Variants in TTC7B observed in about 807,000 individuals in gnomAD.
TTC7B encodes tetratricopeptide repeat protein 7B.
TTC7B carries 28 observed loss-of-function variants against 106.8 expected under a neutral mutation model. The observed-to-expected ratio is 0.26, with a 90% CI of 0.19 to 0.36. TTC7B has a LOEUF of 0.36. Among genes scored for constraint, TTC7B ranks in the 10% least tolerant of loss-of-function variants. The pLI is 1.00. For missense variants in TTC7B, 862 were observed against 1,076.4 expected (o/e 0.80, Z 2.79); for synonymous variants, 405 against 430.6 (o/e 0.94, Z 0.74).
intron 9 of TTC7B, among the ~76,000 whole-genome samples, chr14:90,669,833 T>A (rs1255824915): frequency 6.6e-6 from 1 of 152,202 alleles, no homozygotes; most frequent in East Asian, 1.9e-4. Flanking sequence ...CTGGTAGGAA[T>A]GTAAAAATGG....
chr14:90,628,669 C>A (rs545902336), intron 15 of TTC7B, among the ~76,000 whole-genome samples: 6 of 152,204 alleles, frequency 3.9e-5, no homozygotes, highest in Admixed American at 2.6e-4. Flanking sequence ...GAAGCTCAAG[C>A]GGCTCTCCAG....
At position 90,541,493 on chromosome 14, in the gene TTC7B, C is replaced by T. The variant is rs746871600; in HGVS notation, c.2407G>A (p.Gly803Arg). 4.3e-6 allele frequency: 7 copies of T among 1,614,086 alleles called. No homozygotes were observed. The East Asian group carries it at 6.7e-5, about 15-fold the overall frequency. ...VNSTAHEVWN[G>R]LGEVLQAQGN... is the part of the protein sequence containing the mutation. ...TGAGCTTGGAGGACCTCGCCCAGCC[C>T]GTTCCAGACCTCGTGGGCTGTCGAG... Residue 803 changes from glycine to arginine, a missense_variant, in exon 20 of 20, where the codon GGG becomes AGG. Gly to Arg is a moderately radical substitution (Grantham distance 125). Transcript: ENST00000328459.
At position 90,539,099 on chromosome 14, in the gene TTC7B, T is replaced by C. The variant is rs1294569; in HGVS notation, c.*2269A>G. 102,791 of 152,142 alleles carry C rather than the reference T, an allele frequency of 0.68. 35,471 individuals carry two copies. The highest frequency in any genetic ancestry group is 0.76 in the South Asian group (3,660 of 4,820). The allele number at this position is 152,142 out of a possible 1,614,324, so 9.4% of individuals were successfully genotyped here. On this transcript the variant is annotated 3_prime_UTR_variant, in exon 20 of 20. Coordinates refer to ENST00000328459, the MANE Select transcript of TTC7B (RefSeq NM_001010854.2). ...TGCCCAAACCCAAACCAGTCACTGATACTGGGGAGCTGGAGGGCTCTGGTT... is the reference window on the plus strand; with the variant it reads ...TGCCCAAACCCAAACCAGTCACTGACACTGGGGAGCTGGAGGGCTCTGGTT...
chr14:90,812,452 T>C (rs1379872419), intron 1 of TTC7B, among the ~76,000 whole-genome samples: 1 of 152,132 alleles, frequency 6.6e-6, no homozygotes, highest in Non-Finnish European at 1.5e-5. Context: ...CACCTCAGGC[T>C]TCTCTGAGTC....
chr14:90,666,924 A>T (rs1886433719), intron 9 of TTC7B, among the ~76,000 whole-genome samples: 1 of 152,200 alleles, frequency 6.6e-6, no homozygotes, highest in Non-Finnish European at 1.5e-5. Context: ...AAGCTTGCAC[A>T]TTGAGTAAGG....
chr14:90,632,451 T>TA (rs1046577951), intron 15 of TTC7B, among the ~76,000 whole-genome samples: 1 of 151,922 alleles, frequency 6.6e-6, no homozygotes, highest in South Asian at 2.1e-4. Context: ...AGTAATGATT[T>TA]AAAAAAAAAT....
intron 5 of TTC7B, among the ~76,000 whole-genome samples, chr14:90,700,987 C>G (rs1047381775): frequency 5.9e-5 from 9 of 151,882 alleles, no homozygotes; most frequent in African/African-American, 2.2e-4. Flanking sequence ...CCAGCTTCCC[C>G]CTCTGTACAT....
intron 4 of TTC7B, among the ~76,000 whole-genome samples, chr14:90,732,729 TC>T (rs1889373483): frequency 6.6e-6 from 1 of 152,050 alleles, no homozygotes; most frequent in Admixed American, 6.5e-5. Context: ...TGCGCCCGGC[TC>T]CTGAATAATT....
chr14:90,621,760 C>T (rs1884209504), intron 15 of TTC7B, among the ~76,000 whole-genome samples: 1 of 152,234 alleles, frequency 6.6e-6, no homozygotes, highest in African/African-American at 2.4e-5. Flanking sequence ...CAAACCTCAG[C>T]TTGTTTACAA....
At position 90,689,648 on chromosome 14, in the gene TTC7B, G is replaced by A. The variant is rs1403796830; in HGVS notation, c.842C>T (p.Pro281Leu). The change falls in exon 7 of 20, where the codon CCT becomes CTT. Residue 281 changes from proline to leucine, a missense_variant. Coordinates refer to ENST00000328459, the MANE Select transcript of TTC7B (RefSeq NM_001010854.2). Reference protein sequence around the residue: ...RGMCEQSYWNPLEDPPCQSPL... With the variant: ...RGMCEQSYWNLLEDPPCQSPL... ...TGACTGGCACGGTGGATCCTCCAGAGGGTTCCAGTAGCTCTGCTCACACAT... is the reference window on the plus strand; with the variant it reads ...TGACTGGCACGGTGGATCCTCCAGAAGGTTCCAGTAGCTCTGCTCACACAT... The A allele has an allele frequency of 1.2e-6, 2 of 1,614,150 alleles. No individual in the cohort carries two copies. Among genetic ancestry groups the A allele is most frequent in the Admixed American group, 3.3e-5 (2 of 60,016 alleles).
chr14:90,642,114 G>A (rs1041490549), intron 15 of TTC7B, among the ~76,000 whole-genome samples: 1 of 152,028 alleles, frequency 6.6e-6, no homozygotes, highest in African/African-American at 2.4e-5. Flanking sequence ...AACAGCTTGG[G>A]GTAAAATCCA....
rs137868490 is a variant in TTC7B, at chr14:90,614,486, A to C, written c.1868+3443T>G. On this transcript the variant is annotated intron_variant, in intron 16 of 19. Transcript: ENST00000328459. Reference sequence around the variant, plus strand: ...CCTGGAGATGTCACCTCATGGGTACATGATGGAGATGGGTCTAGTAGCAGT... The same window carrying C: ...CCTGGAGATGTCACCTCATGGGTACCTGATGGAGATGGGTCTAGTAGCAGT... 9.0e-4 allele frequency among the ~76,000 whole-genome samples: 137 copies of C among 152,368 alleles called. 1 individual carries two copies. The highest frequency in any genetic ancestry group is 3.2e-3 in the African/African-American group (133 of 41,592).
At chr14:90,793,658 G>A (rs1213426156) in intron 1 of TTC7B, among the ~76,000 whole-genome samples, 1 of 150,242 alleles carries the variant, frequency 6.7e-6, no homozygotes, top group African/African-American at 2.5e-5. Context: ...GCCCAGGCTG[G>A]AGTGCAATGG....
intron 3 of TTC7B, among the ~76,000 whole-genome samples, chr14:90,770,282 A>T (rs1277729145): frequency 6.6e-6 from 1 of 152,246 alleles, no homozygotes; most frequent in Non-Finnish European, 1.5e-5. Context: ...GAAGCAAAAA[A>T]TTCACACATT....
rs1595139789 is a variant in TTC7B at position 90,539,173 on chromosome 14, T to C, written c.*2195A>G. The C allele has an allele frequency of 6.6e-6, 1 of 151,498 alleles. No homozygotes were observed. The highest frequency in any genetic ancestry group is 2.1e-4 in the South Asian group (1 of 4,772). The allele number at this position is 151,498 out of a possible 1,614,324, so 9.4% of individuals were successfully genotyped here. On this transcript the variant is annotated 3_prime_UTR_variant, in exon 20 of 20. Transcript: ENST00000328459. ...ATCCTTGAGCCATGTGGGTGGAGAG[T>C]GGGGGTGGTTCCCTGAGGGAGATGA...
intron 4 of TTC7B, among the ~76,000 whole-genome samples, chr14:90,734,677 C>T (rs1191264767): frequency 6.6e-6 from 1 of 152,176 alleles, no homozygotes; most frequent in Non-Finnish European, 1.5e-5. Flanking sequence ...GGCCCAAGGC[C>T]TTTTCTGGAG....
At chr14:90,801,250 A>G (rs1027192772) in intron 1 of TTC7B, among the ~76,000 whole-genome samples, 1 of 146,630 alleles carries the variant, frequency 6.8e-6, no homozygotes, top group African/African-American at 2.5e-5. Flanking sequence ...AAAAGATGGC[A>G]CTATGCAGTG....
rs563061997 is a variant in TTC7B, at chr14:90,766,195, T to C, written c.445+14543A>G. Among the ~76,000 whole-genome samples the C allele has an allele frequency of 2.0e-5, 3 of 151,030 alleles. No homozygotes were observed. The East Asian group carries it at 5.8e-4, about 29-fold the overall frequency. On this transcript the variant is annotated intron_variant, in intron 3 of 19. Transcript: ENST00000328459. The stretch of plus-strand genomic sequence containing the variant: ...CCCTGAGAATGGGGAGAATCCTATT[T>C]CCAGAGTTACCACATTATTAGATTC...
At chr14:90,549,127 CAAAA>C (rs34890535) in intron 19 of TTC7B, among the ~76,000 whole-genome samples, 1 of 103,606 alleles carries the variant, frequency 9.7e-6, no homozygotes, top group Non-Finnish European at 2.1e-5. Flanking sequence ...GACTCCGTCT[CAAAA>C]AAAAAAAAAA....
Sources: gnomAD v4.1 joint callset for allele counts (sites outside exome capture counted in the v4.1 genomes callset) on GRCh38, gnomAD v4.1.1 for gene constraint, MANE v1.5 for transcripts, NCBI Gene and HGNC (gene_info 2026-07-23, HGNC 2026-07-21) for gene names.